SNX3: variants seen among roughly 807,000 people sequenced by gnomAD.
The protein encoded by SNX3 is sorting nexin 3, also known as sorting nexin-3.
Under a neutral mutation model 17.7 loss-of-function variants are expected in SNX3, and 5 were observed. The observed-to-expected ratio is 0.28, with a 90% CI of 0.15 to 0.59. SNX3 has a LOEUF of 0.59. SNX3 is among the 20% of genes least tolerant of loss of function. The probability of loss-of-function intolerance (pLI) is 0.88; values close to 1 mark genes in which losing one functional copy is unlikely to be tolerated. For synonymous variants in SNX3, 91 were observed against 76.5 expected, an observed-to-expected ratio of 1.19 and a Z score of -0.99; for missense variants, 132 against 206.8, an observed-to-expected ratio of 0.64 and a Z score of 2.22.
At chr6:108,255,277 C>T (rs1318827810) in intron 1 of SNX3, among the ~76,000 whole-genome samples, 2 of 152,210 alleles carry the variant, frequency 1.3e-5, no homozygotes, top group Non-Finnish European at 2.9e-5. Flanking sequence ...GACAACATCT[C>T]ATTGGCCAAT....
intron 1 of SNX3, among the ~76,000 whole-genome samples, chr6:108,249,140 A>G (rs954723151): frequency 1.4e-4 from 21 of 152,348 alleles, no homozygotes; most frequent in Admixed American, 9.8e-4. Flanking sequence ...TAAGAGGATC[A>G]CTTGAGCTCA....
At chr6:108,217,251 A>G (rs1774617002) in intron 2 of SNX3, among the ~76,000 whole-genome samples, 1 of 151,466 alleles carries the variant, frequency 6.6e-6, no homozygotes. Context: ...AATTTCATAT[A>G]TAATGGGAAT....
intron 1 of SNX3, among the ~76,000 whole-genome samples, chr6:108,247,160 G>T (rs1775716542): frequency 6.6e-6 from 1 of 152,140 alleles, no homozygotes; most frequent in Non-Finnish European, 1.5e-5. Flanking sequence ...GGCACCTTGT[G>T]AAGCAGGTAC....
chr6:108,236,640 G>A lies in SNX3; in HGVS notation c.163-13595C>T, dbSNP rs560956149. On this transcript the variant is annotated intron_variant, in intron 1 of 3. Coordinates refer to ENST00000230085, the MANE Select transcript of SNX3 (RefSeq NM_003795.6). ...CCTGACCTCGTGATCCGCCCGCCTC[G>A]GCCTCCCAAAGTGCTGGGATTACAG... 2.0e-4 allele frequency among the ~76,000 whole-genome samples: 30 copies of A among 151,670 alleles called. No individual in the cohort carries two copies. In the East Asian group the frequency reaches 4.9e-3, roughly 25 times the overall value.
At chr6:108,229,239 G>A (rs1173472916) in intron 1 of SNX3, among the ~76,000 whole-genome samples, 11 of 134,238 alleles carry the variant, frequency 8.2e-5, no homozygotes, top group African/African-American at 2.0e-4. Context: ...CAGCCTGGGC[G>A]ACAGAGCGAG....
chr6:108,257,983 TA>T (rs926156009), intron 1 of SNX3, among the ~76,000 whole-genome samples: 4 of 151,536 alleles, frequency 2.6e-5, no homozygotes, highest in African/African-American at 9.7e-5. Flanking sequence ...AAAATAAAAA[TA>T]AAAAAAGAAA....
chr6:108,238,622 T>TA (rs1775426666), intron 1 of SNX3, among the ~76,000 whole-genome samples: 1 of 152,078 alleles, frequency 6.6e-6, no homozygotes, highest in South Asian at 2.1e-4. Flanking sequence ...AAAGAAAATT[T>TA]TTTTAAAAAG....
Position 108,226,046 on chromosome 6 carries a change from CAAAA to C in SNX3, c.163-3005_163-3002del, listed in dbSNP as rs35559458. ...GGGCAACAAATGAGACCCTCTCTCT[CAAAA>C]AAAAAAAAAAAAAAAAAAAGGAGAA... On this transcript the variant is annotated intron_variant, in intron 1 of 3. Transcript: ENST00000230085. Among the ~76,000 whole-genome samples the C allele has an allele frequency of 4.6e-4, 29 of 63,222 alleles. 1 individual carries two copies. The highest frequency in any genetic ancestry group is 1.5e-3 in the African/African-American group (26 of 17,082). 41.5% of individuals were successfully genotyped at this position (63,222 alleles called of 152,430 possible).
Position 108,231,069 on chromosome 6 carries a change from C to T in SNX3, c.163-8024G>A, listed in dbSNP as rs562794963. Among the ~76,000 whole-genome samples the T allele has an allele frequency of 3.4e-4, 52 of 150,956 alleles. 1 individual carries two copies. Among genetic ancestry groups the T allele is most frequent in the African/African-American group, 1.2e-3 (51 of 41,152 alleles). On this transcript the variant is annotated intron_variant, in intron 1 of 3. Transcript: ENST00000230085. Reference sequence around the variant, plus strand: ...ACAGAGGCAACATCCTAGCGCGCTACAGGCACTTGGGCTGGAGGGATCCTC... The same window carrying T: ...ACAGAGGCAACATCCTAGCGCGCTATAGGCACTTGGGCTGGAGGGATCCTC...
chr6:108,225,411 A>AGAGACCAGCCTGGGCAG (rs1463038014), intron 1 of SNX3, among the ~76,000 whole-genome samples: 10 of 151,500 alleles, frequency 6.6e-5, no homozygotes, highest in South Asian at 2.1e-4. Flanking sequence ...AGCCTGGGCA[A>AGAGACCAGCCTGGGCAG]GAGACCAGCC....
At chr6:108,242,940 C>T (rs1183324446) in intron 1 of SNX3, among the ~76,000 whole-genome samples, 2 of 152,168 alleles carry the variant, frequency 1.3e-5, no homozygotes, top group African/African-American at 4.8e-5. Context: ...TCAGATGAAA[C>T]CACAACCCCG....
At chr6:108,219,926 G>A (rs527730741) in intron 2 of SNX3, among the ~76,000 whole-genome samples, 156 of 152,198 alleles carry the variant, frequency 1.0e-3, no homozygotes, top group African/African-American at 3.6e-3. Flanking sequence ...AATTCCTATT[G>A]CCTAGAGATG....
At chr6:108,223,149 CT>C (rs373299849) in intron 1 of SNX3, 104 bp from the exon 2 acceptor site, 3 of 653,592 alleles carry the variant, frequency 4.6e-6, no homozygotes, top group Non-Finnish European at 7.9e-6. Context: ...CTTTCTTTTT[CT>C]TTTTTTGAGA....
chr6:108,252,559 A>G (rs546191455), intron 1 of SNX3: 1 of 152,332 alleles, frequency 6.6e-6, no homozygotes, highest in East Asian at 1.9e-4. Context: ...CCTTGATCCC[A>G]TTCCTATTTA....
intron 1 of SNX3, chr6:108,252,199 G>T (rs780678627): frequency 6.6e-6 from 1 of 152,246 alleles, no homozygotes; most frequent in African/African-American, 2.4e-5. Context: ...GTCTAAGGAA[G>T]GGATGGCAGG....
At chr6:108,218,879 T>A (rs585734) in intron 2 of SNX3, among the ~76,000 whole-genome samples, 14,060 of 152,230 alleles carry the variant, frequency 0.092, 873 homozygotes, top group Admixed American at 0.17. Flanking sequence ...AAATCAGTGG[T>A]GTCTACTAAT....
At chr6:108,214,135 C>T (rs1031305552) in intron 3 of SNX3, among the ~76,000 whole-genome samples, 14 of 152,116 alleles carry the variant, frequency 9.2e-5, no homozygotes, top group African/African-American at 3.1e-4. Flanking sequence ...TGCAATCAAA[C>T]AAGATGATTG....
At chr6:108,212,459 C>T (rs1014324163) in intron 3 of SNX3, among the ~76,000 whole-genome samples, 2 of 151,920 alleles carry the variant, frequency 1.3e-5, no homozygotes, top group Non-Finnish European at 2.9e-5. Flanking sequence ...TGCCTCAGCC[C>T]CCTGAGTAGC....
chr6:108,222,890 A>T, intron 2 of SNX3, 60 bp downstream of exon 2: 1 of 969,568 alleles, frequency 1.0e-6, no homozygotes, highest in Non-Finnish European at 1.6e-6. Context: ...TTCCTGAGAA[A>T]TATTAAACAT....
Sources: allele counts gnomAD v4.1 joint callset (sites outside exome capture counted in the v4.1 genomes callset), GRCh38; gene constraint gnomAD v4.1.1; transcripts MANE v1.5; gene names NCBI Gene and HGNC (gene_info 2026-07-23, HGNC 2026-07-21).